SLC4A4: variants seen among roughly 807,000 people sequenced by gnomAD.
The protein encoded by SLC4A4 is electrogenic sodium bicarbonate cotransporter 1.
A neutral mutation model predicts 111.5 loss-of-function variants in SLC4A4; 27 were observed. The ratio of observed to expected loss-of-function variants is 0.24; its 90% CI spans 0.18 to 0.33. The LOEUF (loss-of-function observed/expected upper bound fraction) is 0.33. SLC4A4 is among the 10% of genes least tolerant of loss of function. The pLI, the probability that SLC4A4 is intolerant of heterozygous loss-of-function variation, is 1.00. For missense variants in SLC4A4, 909 were observed against 1,315.5 expected, an observed-to-expected ratio of 0.69 and a Z score of 4.78; for synonymous variants, 443 against 463.4, an observed-to-expected ratio of 0.96 and a Z score of 0.57.
intron 2 of SLC4A4, among the ~76,000 whole-genome samples, chr4:71,094,607 G>T (rs771030993): frequency 6.6e-6 from 1 of 152,196 alleles, no homozygotes; most frequent in African/African-American, 2.4e-5. Flanking sequence ...GTTAGGGGAA[G>T]CTCTAGGATT....
intron 6 of SLC4A4, among the ~76,000 whole-genome samples, chr4:71,395,126 A>T (rs1719693198): frequency 6.6e-6 from 1 of 152,164 alleles, no homozygotes; most frequent in Admixed American, 6.6e-5. Context: ...CTGCCTTTCT[A>T]ACAAGCGTAC....
intron 18 of SLC4A4, among the ~76,000 whole-genome samples, chr4:71,542,722 T>C (rs552550171): frequency 6.6e-6 from 1 of 152,224 alleles, no homozygotes; most frequent in African/African-American, 2.4e-5. Flanking sequence ...GGATGCTTTC[T>C]TAGCACCCTG....
intron 3 of SLC4A4, among the ~76,000 whole-genome samples, chr4:71,264,549 C>T (rs2579327): frequency 0.89 from 135,362 of 152,052 alleles, 61,838 homozygotes; most frequent in Non-Finnish European, 0.99. Context: ...AAAGCTGAAG[C>T]TGTTTTCCTC....
chr4:71,556,860 A>T (rs564929738), intron 21 of SLC4A4, among the ~76,000 whole-genome samples: 5 of 152,080 alleles, frequency 3.3e-5, no homozygotes, highest in Middle Eastern at 6.8e-3. Context: ...GAAAATAGAG[A>T]TATTATTTCA....
At chr4:71,383,843 G>A (rs1718401742) in intron 6 of SLC4A4, among the ~76,000 whole-genome samples, 1 of 151,792 alleles carries the variant, frequency 6.6e-6, no homozygotes, top group African/African-American at 2.4e-5. Flanking sequence ...GATCCATTAG[G>A]CCCATCCAGA....
chr4:71,559,527 C>G (rs1736767027), intron 22 of SLC4A4, among the ~76,000 whole-genome samples: 1 of 151,666 alleles, frequency 6.6e-6, no homozygotes, highest in African/African-American at 2.4e-5. Context: ...ATAATATTGC[C>G]TGAGAGTTTA....
At chr4:71,395,385 CA>C (rs1285052778) in intron 6 of SLC4A4, among the ~76,000 whole-genome samples, 1 of 152,138 alleles carries the variant, frequency 6.6e-6, no homozygotes, top group African/African-American at 2.4e-5. Flanking sequence ...TAATGAGAAT[CA>C]GAGAAAGTTA....
chr4:71,538,709 G>C (rs1429958433), intron 18 of SLC4A4, among the ~76,000 whole-genome samples: 1 of 152,038 alleles, frequency 6.6e-6, no homozygotes, highest in African/African-American at 2.4e-5. Context: ...CCGGTCAAGT[G>C]GCTCTGGCTG....
At chr4:71,171,768 T>G (rs1428441656) in intron 2 of SLC4A4, among the ~76,000 whole-genome samples, 1 of 152,218 alleles carries the variant, frequency 6.6e-6, no homozygotes, top group Non-Finnish European at 1.5e-5. Flanking sequence ...TACTCTGGTC[T>G]TTATTCCAAA....
Position 71,103,832 on chromosome 4 carries a change from A to G in SLC4A4, c.-2+11040A>G, listed in dbSNP as rs550754241. On this transcript the variant is annotated intron_variant, in intron 2 of 26. Coordinates refer to the SLC4A4 transcript ENST00000649996. ...CAAGAGAAAGCAGGAAAGATCCAAAATTGACACCCTAACATCACAATTAAA... is the reference window on the plus strand; with the variant it reads ...CAAGAGAAAGCAGGAAAGATCCAAAGTTGACACCCTAACATCACAATTAAA... Among the ~76,000 whole-genome samples, 708 of 150,544 alleles carry G rather than the reference A, an allele frequency of 4.7e-3. 6 individuals carry two copies. Among genetic ancestry groups the G allele is most frequent in the African/African-American group, 0.017 (682 of 40,902 alleles).
chr4:71,382,091 TG>T lies in SLC4A4; in HGVS notation c.731-15483del, dbSNP rs1473959990. On this transcript the variant is annotated intron_variant, in intron 6 of 25. Transcript: ENST00000264485. ...CAAATATTTAGAGGAAAGTAGACTT[TG>T]GGTGATCATTTTAGTGAAGAAGATA... Among the ~76,000 whole-genome samples the T allele has an allele frequency of 9.2e-5, 14 of 152,278 alleles. 1 individual carries two copies. The highest frequency in any genetic ancestry group is 7.2e-4 in the Admixed American group (11 of 15,294).
chr4:71,114,119 C>A (rs1357586723), intron 2 of SLC4A4, among the ~76,000 whole-genome samples: 3 of 152,016 alleles, frequency 2.0e-5, no homozygotes, highest in African/African-American at 7.3e-5. Context: ...TGGTGGCAGG[C>A]GCCTGTAGTC....
chr4:71,531,206 G>A (rs1353128524), intron 16 of SLC4A4, among the ~76,000 whole-genome samples: 1 of 152,050 alleles, frequency 6.6e-6, no homozygotes, highest in Non-Finnish European at 1.5e-5. Context: ...GCAAACAAAT[G>A]GTATATGCTC....
At chr4:71,506,733 A>G (rs1014038737) in intron 16 of SLC4A4, among the ~76,000 whole-genome samples, 3 of 152,158 alleles carry the variant, frequency 2.0e-5, no homozygotes, top group African/African-American at 4.8e-5. Context: ...CAAATTTTGG[A>G]AATGCAGAGA....
chr4:71,476,769 GAGCAACTAAGGAAGCTT>G (rs1032676559), intron 14 of SLC4A4, among the ~76,000 whole-genome samples: 2 of 151,532 alleles, frequency 1.3e-5, no homozygotes, highest in African/African-American at 4.8e-5. Context: ...TAGGTTTACT[GAGCAACTAAGGAAGCTT>G]AGTTGCAAGT....
At chr4:71,075,957 C>A (rs991860711) in intron 1 of SLC4A4, among the ~76,000 whole-genome samples, 7 of 140,270 alleles carry the variant, frequency 5.0e-5, no homozygotes, top group Admixed American at 7.2e-5. Flanking sequence ...GACTCCATCT[C>A]TAAATAAATA....
At chr4:71,218,045 A>T (rs1718536388) in intron 1 of SLC4A4, among the ~76,000 whole-genome samples, 1 of 152,258 alleles carries the variant, frequency 6.6e-6, no homozygotes, top group Non-Finnish European at 1.5e-5. Context: ...ATTTACAAGA[A>T]GAAATAATTC....
chr4:71,166,645 G>A (rs1687399677), intron 2 of SLC4A4, among the ~76,000 whole-genome samples: 1 of 152,062 alleles, frequency 6.6e-6, no homozygotes, highest in South Asian at 2.1e-4. Context: ...TATGCATCAG[G>A]GTTTTAAAAT....
At chr4:71,531,863 C>T in intron 16 of SLC4A4, among the ~76,000 whole-genome samples, 199 bp from the exon 17 acceptor site, 1 of 150,860 alleles carries the variant, frequency 6.6e-6, no homozygotes, top group East Asian at 2.0e-4. Flanking sequence ...GGATACATTA[C>T]ATTATCTAGC....
Sources: gnomAD v4.1 joint callset for allele counts (sites outside exome capture counted in the v4.1 genomes callset) on GRCh38, gnomAD v4.1.1 for gene constraint, MANE v1.5 for transcripts, NCBI Gene and HGNC (gene_info 2026-07-23, HGNC 2026-07-21) for gene names.